The following NOC3L variants were observed in gnomAD, a reference collection of about 807,000 sequenced individuals.
NOC3L encodes the protein nucleolar complex protein 3 homolog.
NOC3L carries 85 observed loss-of-function variants against 102.5 expected under a neutral mutation model. The ratio of observed to expected loss-of-function variants is 0.83; its 90% CI spans 0.70 to 0.99. NOC3L has a LOEUF of 0.99. Among genes scored for constraint, NOC3L ranks in the 50% least tolerant of loss-of-function variants. The probability of loss-of-function intolerance (pLI) is 0.00; values close to 1 mark genes in which losing one functional copy is unlikely to be tolerated. For missense variants in NOC3L, 878 were observed against 914.9 expected (o/e 0.96, Z 0.52); for synonymous variants, 303 against 309.4 (o/e 0.98, Z 0.22).
rs141185583 is a variant in NOC3L at position 94,358,952 on chromosome 10, T to C, written c.218-737A>G. On this transcript the variant is annotated intron_variant, in intron 2 of 20. Transcript: ENST00000371361. ...AATCCCAACAACAGATCATTCTAACTTCTCTTTCTGCTCACTGTCTGCGTC... is the reference window on the plus strand; with the variant it reads ...AATCCCAACAACAGATCATTCTAACCTCTCTTTCTGCTCACTGTCTGCGTC... Among the ~76,000 whole-genome samples, 3 of 152,202 alleles carry C rather than the reference T, an allele frequency of 2.0e-5. No homozygotes were observed. In the East Asian group the frequency reaches 5.8e-4, roughly 29 times the overall value.
chr10:94,350,132 A>G lies in NOC3L; in HGVS notation c.1109T>C (p.Met370Thr). Residue 370 changes from methionine to threonine, a missense_variant, in exon 9 of 21, where the codon ATG becomes ACG. Physicochemically the swap from Met to Thr is moderately conservative, Grantham distance 81. Coordinates refer to ENST00000371361, the MANE Select transcript of NOC3L (RefSeq NM_022451.11). ...ACTCACCAATTTTGACATGTCATTC[A>G]TGAGAGGGACAATCAATACGATGAT... ...NNIIVLIVPL[M>T]NDMSKLISEM... The G allele has an allele frequency of 1.9e-6, 3 of 1,614,086 alleles. No individual in the cohort carries two copies. The highest frequency in any genetic ancestry group is 2.5e-6 in the Non-Finnish European group (3 of 1,180,006).
chr10:94,341,621 A>T (rs535274554), intron 14 of NOC3L, 52 bp downstream of exon 14: 91 of 975,514 alleles, frequency 9.3e-5, no homozygotes, highest in Middle Eastern at 3.3e-4. Context: ...AAAAATTTTT[A>T]AAATAGTAAT....
intron 8 of NOC3L, among the ~76,000 whole-genome samples, chr10:94,350,918 TA>T (rs931072277): frequency 2.6e-5 from 4 of 151,738 alleles, no homozygotes; most frequent in Non-Finnish European, 4.4e-5. Flanking sequence ...AACTTAGTAC[TA>T]AAAAAAACTG....
Position 94,362,812 on chromosome 10 carries a change from G to A in NOC3L, c.9+18C>T. The A allele has an allele frequency of 6.2e-7, 1 of 1,614,048 alleles. No individual in the cohort carries two copies. Among genetic ancestry groups the A allele is most frequent in the South Asian group, 1.1e-5 (1 of 91,086 alleles). ...AGGGGCCCTAGGCCGCGGCGACCGG[G>A]CTTTTGAGGACACTTACCGCCTTCA... On this transcript the variant is annotated intron_variant, in intron 1 of 20. Transcript: ENST00000371361.
At chr10:94,344,350 C>T (rs2054319568) in intron 13 of NOC3L, 65 bp downstream of exon 13, 4 of 1,043,466 alleles carry the variant, frequency 3.8e-6, no homozygotes, top group South Asian at 1.5e-5. Flanking sequence ...AGGGAACTCT[C>T]GAAAATTCTT....
chr10:94,315,381 C>T, the NOC3L span: 6 of 455,814 alleles, frequency 1.3e-5, no homozygotes, highest in East Asian at 3.5e-4. Flanking sequence ...CATCACCAAG[C>T]TACTTCTCAC....
At chr10:94,323,807 A>C in the NOC3L span, among the ~76,000 whole-genome samples, 1 of 152,228 alleles carries the variant, frequency 6.6e-6, no homozygotes, top group East Asian at 1.9e-4. Context: ...TCTGGGACAT[A>C]ATTGGCCCTC....
chr10:94,343,087 A>AC (rs2054304684), intron 13 of NOC3L, among the ~76,000 whole-genome samples: 1 of 150,922 alleles, frequency 6.6e-6, no homozygotes, highest in South Asian at 2.1e-4. Flanking sequence ...GTGTCTCCAA[A>AC]AAAAAAAAAA....
intron 2 of NOC3L, among the ~76,000 whole-genome samples, chr10:94,358,590 A>G (rs944158407): frequency 1.3e-5 from 2 of 152,236 alleles, no homozygotes; most frequent in Admixed American, 1.3e-4. Context: ...TTGGAAACCA[A>G]TGACTTAGCC....
chr10:94,340,457 C>T lies in NOC3L; in HGVS notation c.1684G>A (p.Ala562Thr). 1.3e-6 allele frequency: 2 copies of T among 1,598,144 alleles called. No individual in the cohort carries two copies. Among genetic ancestry groups the T allele is most frequent in the Non-Finnish European group, 1.7e-6 (2 of 1,174,470 alleles). Residue 562 changes from alanine (A) to threonine (T), a missense_variant, in exon 15 of 21, where the codon GCT becomes ACT. Transcript: ENST00000371361. ...YQESLHCVQT[A>T]FHILSGQGDV... Reference sequence around the variant, plus strand: ...CCTTGTCCAGAAAGAATATGAAAAGCAGTCTGGACACAGTGAAGACTTTCT... The same window carrying T: ...CCTTGTCCAGAAAGAATATGAAAAGTAGTCTGGACACAGTGAAGACTTTCT...
At chr10:94,315,769 CA>C in the NOC3L span, among the ~76,000 whole-genome samples, 19,901 of 121,698 alleles carry the variant, frequency 0.16, 1,188 homozygotes, top group South Asian at 0.28. Context: ...GACTCTGTCT[CA>C]AAAAAAAAAA....
chr10:94,325,336 T>A, the NOC3L span: 1 of 430,658 alleles, frequency 2.3e-6, no homozygotes, highest in South Asian at 2.1e-5. Context: ...TGGTGGCGCA[T>A]GCCTGTAATC....
At chr10:94,347,339 G>A (rs74511365) in intron 10 of NOC3L, among the ~76,000 whole-genome samples, 2,145 of 152,232 alleles carry the variant, frequency 0.014, 36 homozygotes, top group African/African-American at 0.049. Flanking sequence ...GTCATTCTAG[G>A]TATCAGAAAG....
Position 94,358,227 on chromosome 10 carries a change from A to G in NOC3L, c.218-12T>C. On this transcript the variant is annotated splice_polypyrimidine_tract_variant and intron_variant, in intron 2 of 20. Coordinates refer to ENST00000371361, the MANE Select transcript of NOC3L (RefSeq NM_022451.11). ...CTCAATCCTTTTACCTGTACCACAC[A>G]CACACACACACAAAGAAAAATTAGA... The G allele has an allele frequency of 8.1e-7, 1 of 1,230,186 alleles. No homozygotes were observed. The highest frequency in any genetic ancestry group is 1.2e-6 in the Non-Finnish European group (1 of 846,744). 76.2% of individuals were successfully genotyped at this position (1,230,186 alleles called of 1,614,324 possible).
intron 19 of NOC3L, among the ~76,000 whole-genome samples, chr10:94,336,265 CAG>C (rs2133982751): frequency 6.6e-6 from 1 of 152,270 alleles, no homozygotes; most frequent in African/African-American, 2.4e-5. Flanking sequence ...ATCTCAGAAG[CAG>C]AGAGGCGCCC....
In NOC3L at chr10:94,350,327, C is replaced by G. The variant is rs771475853; in HGVS notation, c.953-39G>C. The G allele has an allele frequency of 1.0e-5, 16 of 1,578,250 alleles. No individual in the cohort carries two copies. The South Asian group carries it at 1.8e-4, about 18-fold the overall frequency. ...AACTGTAGTTACTTTACTCATTGGT[C>G]AAAAGTTAAACTAATTGGCTTTCTT... On this transcript the variant is annotated intron_variant, in intron 8 of 20. Transcript: ENST00000371361.
At chr10:94,340,640 T>C (rs1182531437) in intron 14 of NOC3L, 144 bp from the exon 15 acceptor site, 3 of 688,766 alleles carry the variant, frequency 4.4e-6, no homozygotes, top group Admixed American at 2.8e-5. Flanking sequence ...GGCAGGCAGA[T>C]CATTTGAGCC....
the NOC3L span, chr10:94,324,440 C>A: frequency 6.8e-6 from 11 of 1,614,002 alleles, no homozygotes; most frequent in Non-Finnish European, 9.3e-6. Flanking sequence ...AAAGACACTA[C>A]CAACAAGAAG....
At chr10:94,340,873 C>G (rs1171149400) in intron 14 of NOC3L, among the ~76,000 whole-genome samples, 1 of 147,728 alleles carries the variant, frequency 6.8e-6, no homozygotes, top group Non-Finnish European at 1.5e-5. Context: ...CCCAGCTACT[C>G]GGGAGGCTGA....
Sources: allele counts gnomAD v4.1 joint callset (sites outside exome capture counted in the v4.1 genomes callset), GRCh38; gene constraint gnomAD v4.1.1; transcripts MANE v1.5; gene names NCBI Gene and HGNC (gene_info 2026-07-23, HGNC 2026-07-21).